Variants in JMJD1C observed in about 807,000 individuals in gnomAD.
The protein encoded by JMJD1C is jumonji domain-containing protein 1C.
Under a neutral mutation model 245.3 loss-of-function variants are expected in JMJD1C, and 31 were observed. That is an observed-to-expected ratio of 0.13 (90% CI 0.09 to 0.17). The LOEUF is 0.17. JMJD1C is among the 10% of genes least tolerant of loss of function. JMJD1C has a pLI of 1.00. For missense variants in JMJD1C, 2,691 were observed against 3,000.2 expected (o/e 0.90, Z 2.41); for synonymous variants, 1,057 against 1,017.4 (o/e 1.04, Z -0.74).
chr10:63,490,873 AAGGAGGC>A (rs559112439), intron 1 of JMJD1C, among the ~76,000 whole-genome samples: 1,970 of 152,362 alleles, frequency 0.013, 22 homozygotes, highest in South Asian at 0.028. Context: ...TGAATAAATA[AAGGAGGC>A]ATTAATAACA....
intron 2 of JMJD1C, among the ~76,000 whole-genome samples, chr10:63,316,329 C>A (rs1940052795): frequency 6.6e-6 from 1 of 152,280 alleles, no homozygotes; most frequent in African/African-American, 2.4e-5. Context: ...TCATTGGCTG[C>A]TTTTGGCATT....
chr10:63,214,821 C>T lies in JMJD1C; in HGVS notation c.1346G>A (p.Arg449Gln), dbSNP rs562218545. 2.1e-5 allele frequency: 34 copies of T among 1,613,738 alleles called. No individual in the cohort carries two copies. In the African/African-American group the frequency reaches 2.3e-4, roughly 11 times the overall value. The change falls in exon 8 of 26, where the codon CGG (arginine) becomes CAG (glutamine). Residue 449 changes from arginine to glutamine, a missense_variant. Physicochemically the swap from Arg to Gln is conservative, Grantham distance 43 (BLOSUM62 1). This residue lies in a region of JMJD1C where 1,562 missense variants were observed against 1,490.7 expected (regional missense o/e 1.05). Transcript: ENST00000399262. ...TTGAAGCTGAGTGTCAACAGACTTC[C>T]GCTTCTCTGCTTCTTCATGTTTTTT... is the stretch of plus-strand genomic sequence containing the variant. Reference protein sequence around the residue: ...EDKKHEEAEKRKSVDTQLQED... With the variant: ...EDKKHEEAEKQKSVDTQLQED...
chr10:63,167,908 G>C lies in JMJD1C; in HGVS notation c.*137C>G. The C allele has an allele frequency of 3.2e-6, 2 of 620,190 alleles. No homozygotes were observed. The highest frequency in any genetic ancestry group is 3.9e-5 in the South Asian group (2 of 51,092). The allele number at this position is 620,190 out of a possible 1,614,324, so 38.4% of individuals were successfully genotyped here. On this transcript the variant is annotated 3_prime_UTR_variant, in exon 26 of 26. Coordinates refer to ENST00000399262, the MANE Select transcript of JMJD1C (RefSeq NM_032776.3). Reference sequence around the variant, plus strand: ...CATATGCTATACTGCTGTGGTGTCAGTAACAAGTAATTACTACAAAGAGAA... The same window carrying C: ...CATATGCTATACTGCTGTGGTGTCACTAACAAGTAATTACTACAAAGAGAA...
At chr10:63,321,020 G>A (rs1940790030) in intron 2 of JMJD1C, among the ~76,000 whole-genome samples, 2 of 152,106 alleles carry the variant, frequency 1.3e-5, no homozygotes, top group African/African-American at 4.8e-5. Flanking sequence ...ATGTAATGAA[G>A]TCTCCATAAA....
intron 3 of JMJD1C, among the ~76,000 whole-genome samples, chr10:63,229,405 G>C (rs982718110): frequency 6.6e-6 from 1 of 151,930 alleles, no homozygotes; most frequent in African/African-American, 2.4e-5. Context: ...TGCTCCATGA[G>C]CAGCAGTTTA....
Position 63,521,143 on chromosome 10 carries a change from G to A in JMJD1C, n.113+595C>T, listed in dbSNP as rs183481238. Among the ~76,000 whole-genome samples the A allele has an allele frequency of 3.8e-4, 58 of 152,272 alleles. No individual in the cohort carries two copies. In the East Asian group the frequency reaches 8.9e-3, roughly 23 times the overall value. ...AGTGTGGGCGTCCCAAAGAGCTAAG[G>A]AGGGTAAGGTTGGTTAGAGCGCAGG... On this transcript the variant is annotated intron_variant and non_coding_transcript_variant, in intron 1 of 3. Coordinates refer to the JMJD1C transcript ENST00000633035.
rs773518308 is a variant in JMJD1C at position 63,207,732 on chromosome 10, T to C, written c.3937A>G (p.Thr1313Ala). Residue 1313 changes from threonine to alanine, a missense_variant, in exon 10 of 26, where the codon ACA (threonine) becomes GCA (alanine). Around this residue, in one of 9 missense-constraint regions of JMJD1C, gnomAD observed 1,562 missense variants for 1,490.7 expected, o/e 1.05. Transcript: ENST00000399262. Reference sequence around the variant, plus strand: ...ATTGCTGGCATACTATCAGTTTTTGTACTAGAAGATGGACGCACAATGACA... The same window carrying C: ...ATTGCTGGCATACTATCAGTTTTTGCACTAGAAGATGGACGCACAATGACA... ...ASVIVRPSSSTKTDSMPAMQL... is the reference protein window; with the variant it reads ...ASVIVRPSSSAKTDSMPAMQL... The C allele has an allele frequency of 8.1e-5, 130 of 1,614,110 alleles. No individual in the cohort carries two copies. The highest frequency in any genetic ancestry group is 1.1e-4 in the Non-Finnish European group (127 of 1,180,042).
At chr10:63,362,815 T>G (rs1221011398) in intron 2 of JMJD1C, among the ~76,000 whole-genome samples, 1 of 152,112 alleles carries the variant, frequency 6.6e-6, no homozygotes, top group Non-Finnish European at 1.5e-5. Flanking sequence ...TCCTAAAATA[T>G]GATCAGTGCT....
intron 13 of JMJD1C, 109 bp downstream of exon 13, chr10:63,197,302 A>G (rs988754973): frequency 5.1e-5 from 46 of 906,134 alleles, no homozygotes; most frequent in Non-Finnish European, 7.1e-5. Context: ...AAAATACTTA[A>G]TACATTAATA....
chr10:63,510,286 A>G (rs887738300), intron 1 of JMJD1C, among the ~76,000 whole-genome samples: 4 of 152,182 alleles, frequency 2.6e-5, no homozygotes, highest in African/African-American at 9.7e-5. Context: ...TACAGGCATG[A>G]GCCACCGCGC....
intron 2 of JMJD1C, 91 bp from the exon 3 acceptor site, chr10:63,264,855 C>A: frequency 1.5e-6 from 1 of 655,534 alleles, no homozygotes; most frequent in Non-Finnish European, 2.7e-6. Flanking sequence ...GTATCAATGT[C>A]ATTATCACTA....
rs191955430 is a variant in JMJD1C, at chr10:63,241,357, G to A, written c.448-21374C>T. On this transcript the variant is annotated intron_variant, in intron 3 of 25. Coordinates refer to ENST00000399262, the MANE Select transcript of JMJD1C (RefSeq NM_032776.3). ...TCTATGACAGAAGACGAGCAGTAAA[G>A]TGAAACAATACTGGCCACAAATCGA... 3.3e-5 allele frequency among the ~76,000 whole-genome samples: 5 copies of A among 152,314 alleles called. No homozygotes were observed. The East Asian group carries it at 9.6e-4, about 29-fold the overall frequency.
In JMJD1C at chr10:63,427,273, C is replaced by T. The variant is rs183379588; in HGVS notation, c.168+38222G>A. 16 of 273,838 alleles carry T rather than the reference C, an allele frequency of 5.8e-5. No homozygotes were observed. In the East Asian group the frequency reaches 1.7e-3, roughly 29 times the overall value. The allele number at this position is 273,838 out of a possible 1,614,324, so 17.0% of individuals were successfully genotyped here. A position where few individuals can be genotyped will look rare whatever the true frequency, so the allele number is the denominator to read the frequency against. On this transcript the variant is annotated intron_variant, in intron 1 of 25. Coordinates refer to ENST00000399262, the MANE Select transcript of JMJD1C (RefSeq NM_032776.3). Reference sequence around the variant, plus strand: ...CGGTGAACACCTGGTCCCAGGAACTCTGGAGCCCACTCCAGCCGGGACGAT... The same window carrying T: ...CGGTGAACACCTGGTCCCAGGAACTTTGGAGCCCACTCCAGCCGGGACGAT...
chr10:63,242,898 G>A (rs1346276989), intron 3 of JMJD1C, among the ~76,000 whole-genome samples: 1 of 151,450 alleles, frequency 6.6e-6, no homozygotes, highest in African/African-American at 2.4e-5. Context: ...CATAGACAAT[G>A]GCAATGATAT....
rs772217233 is a variant in JMJD1C at position 63,176,269 on chromosome 10, AAT to A, written c.7401+26_7401+27del. ...AAACTAGTTCTTTCAGTCAGTAAAA[AAT>A]ATGTTAGAAATAAGTTTGTATATAC... On this transcript the variant is annotated intron_variant, in intron 24 of 25. Transcript: ENST00000399262. 8.5e-6 allele frequency: 13 copies of A among 1,523,920 alleles called. No individual in the cohort carries two copies. The African/African-American group carries it at 1.5e-4, about 18-fold the overall frequency. 94.4% of individuals were successfully genotyped at this position (1,523,920 alleles called of 1,614,324 possible). A position where few individuals can be genotyped will look rare whatever the true frequency, so the allele number is the denominator to read the frequency against.
intron 2 of JMJD1C, among the ~76,000 whole-genome samples, chr10:63,337,624 A>AAAAGGAAAAG (rs139374030): frequency 3.3e-5 from 2 of 60,224 alleles, no homozygotes; most frequent in South Asian, 5.8e-4. Flanking sequence ...AAAAGAAAAG[A>AAAAGGAAAAG]AAAAGAAAAG....
intron 3 of JMJD1C, 83 bp from the exon 4 acceptor site, chr10:63,220,066 G>C (rs891739900): frequency 3.2e-6 from 3 of 949,170 alleles, no homozygotes; most frequent in Non-Finnish European, 4.8e-6. Flanking sequence ...TACGTTCTAA[G>C]GACTGAATAA....
intron 22 of JMJD1C, among the ~76,000 whole-genome samples, chr10:63,178,108 T>A (rs949363455): frequency 1.3e-5 from 2 of 152,162 alleles, no homozygotes; most frequent in Admixed American, 1.3e-4. Context: ...ACCCGACTAA[T>A]TGTTTGTATT....
intron 2 of JMJD1C, among the ~76,000 whole-genome samples, chr10:63,327,326 T>A (rs983532846): frequency 6.6e-6 from 1 of 152,226 alleles, no homozygotes; most frequent in African/African-American, 2.4e-5. Flanking sequence ...ATACTTTGCT[T>A]CATCAATGTA....
Sources: allele counts gnomAD v4.1 joint callset (sites outside exome capture counted in the v4.1 genomes callset), GRCh38; gene constraint gnomAD v4.1.1; regional missense constraint gnomAD v4.1.1; transcripts MANE v1.5; gene names NCBI Gene and HGNC (gene_info 2026-07-23, HGNC 2026-07-21).